The following DBNDD1 variants were observed in gnomAD, a reference collection of about 807,000 sequenced individuals.
DBNDD1 encodes the protein dysbindin domain-containing protein 1.
A neutral mutation model predicts 17.0 loss-of-function variants in DBNDD1; 14 were observed. The ratio of observed to expected loss-of-function variants is 0.82; its 90% CI spans 0.54 to 1.29. The LOEUF (loss-of-function observed/expected upper bound fraction) is 1.29. DBNDD1 is among the 50% of genes most tolerant of loss of function. The pLI, the probability that DBNDD1 is intolerant of heterozygous loss-of-function variation, is 0.00. For synonymous variants in DBNDD1, 105 were observed against 102.0 expected (o/e 1.03, Z -0.18); for missense variants, 221 against 216.2 (o/e 1.02, Z -0.14).
intron 2 of DBNDD1, 167 bp downstream of exon 2, chr16:90,009,117 A>C: frequency 8.1e-7 from 1 of 1,227,628 alleles, no homozygotes; most frequent in Non-Finnish European, 1.1e-6. Flanking sequence ...CACTTGACAG[A>C]TGGTGCAGCT....
In DBNDD1 at chr16:90,019,070, G is replaced by A. The variant is rs1052391453; in HGVS notation, c.31+241C>T. On this transcript the variant is annotated intron_variant, in intron 1 of 3. Transcript: ENST00000002501. The surrounding 1 kb of genome is among the most constrained non-coding windows in gnomAD (Gnocchi z 6.1). The stretch of plus-strand genomic sequence containing the variant: ...CGGGCCACCCACCAAGGAGCGTGCC[G>A]GGCACGGCTTCCCGGGCCGGGAGCG... 5.3e-5 allele frequency among the ~76,000 whole-genome samples: 8 copies of A among 152,218 alleles called. No individual in the cohort carries two copies. The highest frequency in any genetic ancestry group is 1.2e-4 in the Non-Finnish European group (8 of 68,032).
intron 1 of DBNDD1, among the ~76,000 whole-genome samples, chr16:90,018,145 A>C (rs1218465191): frequency 6.6e-6 from 1 of 152,230 alleles, no homozygotes; most frequent in Non-Finnish European, 1.5e-5. Flanking sequence ...TCACAGCTGG[A>C]AACAGCTCGG....
At chr16:90,012,620 C>T (rs1567834884) in intron 1 of DBNDD1, among the ~76,000 whole-genome samples, 1 of 151,958 alleles carries the variant, frequency 6.6e-6, no homozygotes, top group East Asian at 1.9e-4. Flanking sequence ...CCACCATGCC[C>T]AGCTAATTCT....
Position 90,008,881 on chromosome 16 carries a change from G to C in DBNDD1, c.222C>G (p.Leu74=), listed in dbSNP as rs1225462745. 2 of 1,593,674 alleles carry C rather than the reference G, an allele frequency of 1.3e-6. No individual in the cohort carries two copies. Among genetic ancestry groups the C allele is most frequent in the Non-Finnish European group, 1.7e-6 (2 of 1,167,664 alleles). ...TGTCGGTGAGCTCAGTGAGGTCCAGGAGGTCGAAGTGGACCTCCAGAGAGG... is the reference window on the plus strand; with the variant it reads ...TGTCGGTGAGCTCAGTGAGGTCCAGCAGGTCGAAGTGGACCTCCAGAGAGG... ...SVSSLEVHFD[L]LDLTELTDMS... is the part of the protein sequence containing the mutation. Residue 74 remains leucine (L), a synonymous_variant, in exon 3 of 4, where the codon CTC becomes CTG. Transcript: ENST00000002501.
In DBNDD1 at chr16:90,008,642, G is replaced by T. The variant is rs113275534; in HGVS notation, c.319+142C>A. ...GCCCACCACCCACACCTCCCAGGAC[G>T]TCCCAAGGGGCCTCACCCCCCAAAC... On this transcript the variant is annotated intron_variant, in intron 3 of 3. Transcript: ENST00000002501. 8.4e-5 allele frequency: 40 copies of T among 475,438 alleles called. 3 individuals are homozygous for T. The highest frequency in any genetic ancestry group is 1.4e-4 in the African/African-American group (6 of 43,704). The allele number at this position is 475,438 out of a possible 1,614,324, so 29.5% of individuals were successfully genotyped here.
upstream of DBNDD1, chr16:90,019,713 C>A: frequency 1.6e-6 from 1 of 609,774 alleles, no homozygotes; most frequent in Non-Finnish European, 2.9e-6. The surrounding 1 kb of genome is among the most constrained non-coding windows in gnomAD (Gnocchi z 6.1). Flanking sequence ...GCGTCCGGGG[C>A]TCCTGCGCAC....
intron 3 of DBNDD1, among the ~76,000 whole-genome samples, chr16:90,007,949 ACTTCC>A (rs2035464138): frequency 6.9e-6 from 1 of 145,168 alleles, no homozygotes; most frequent in African/African-American, 2.6e-5. Flanking sequence ...ACCTCCCAGG[ACTTCC>A]CAAGGGGCCT....
At chr16:90,009,957 CAGGAGG>C (rs761283397) in intron 1 of DBNDD1, 6 of 1,613,518 alleles carry the variant, frequency 3.7e-6, no homozygotes, top group Middle Eastern at 1.6e-4. Context: ...AGTTACAAAC[CAGGAGG>C]AATAGGCAGG....
intron 1 of DBNDD1, among the ~76,000 whole-genome samples, chr16:90,016,158 G>A (rs1205209505): frequency 6.6e-6 from 1 of 152,134 alleles, no homozygotes; most frequent in Admixed American, 6.5e-5. Context: ...CTGGGACTGG[G>A]TAGAGCGAGA....
rs1458497855 is a variant in DBNDD1, at chr16:90,006,005, A to G, written c.*330T>C. ...ATTCCTCAGCACGTTCCTGGCAGTG[A>G]CTCCGTGACGCTGTCTTCCTGACTC... is the stretch of plus-strand genomic sequence containing the variant. On this transcript the variant is annotated 3_prime_UTR_variant, in exon 4 of 4. Coordinates refer to ENST00000002501, the MANE Select transcript of DBNDD1 (RefSeq NM_001042610.3). The G allele has an allele frequency of 4.0e-6, 1 of 250,358 alleles. No individual in the cohort carries two copies. The highest frequency in any genetic ancestry group is 4.4e-5 in the Admixed American group (1 of 22,804). The allele number at this position is 250,358 out of a possible 1,614,324, so 15.5% of individuals were successfully genotyped here. A position where few individuals can be genotyped will look rare whatever the true frequency, so the allele number is the denominator to read the frequency against.
intron 1 of DBNDD1, among the ~76,000 whole-genome samples, chr16:90,018,384 C>G (rs2035683566): frequency 6.6e-6 from 1 of 152,248 alleles, no homozygotes; most frequent in Admixed American, 6.5e-5. Flanking sequence ...GCCCTTCGGG[C>G]TCCAGAGGAT....
intron 2 of DBNDD1, 33 bp downstream of exon 2, chr16:90,009,251 C>T: frequency 1.2e-6 from 2 of 1,610,006 alleles, no homozygotes; most frequent in Non-Finnish European, 1.7e-6. Flanking sequence ...ACGGGGTCCC[C>T]ATAGCGTGCG....
intron 1 of DBNDD1, 185 bp from the exon 2 acceptor site, chr16:90,009,615 C>T (rs934046436): frequency 1.2e-6 from 1 of 848,610 alleles, no homozygotes; most frequent in Non-Finnish European, 1.8e-6. Context: ...TGAGGGGCTT[C>T]AAGGAGGCTG....
chr16:90,009,034 A>G (rs2035498199), intron 2 of DBNDD1, 110 bp from the exon 3 acceptor site: 2 of 1,377,420 alleles, frequency 1.5e-6, no homozygotes, highest in Middle Eastern at 2.6e-4. Context: ...CTGTGGGTGA[A>G]CCACAGCTTC....
In DBNDD1 at chr16:90,019,242, G is replaced by T. The variant is rs1486375226; in HGVS notation, c.31+69C>A. 32 of 814,280 alleles carry T rather than the reference G, an allele frequency of 3.9e-5. No individual in the cohort carries two copies. The highest frequency in any genetic ancestry group is 2.9e-5 in the Non-Finnish European group (18 of 610,958). The allele number at this position is 814,280 out of a possible 1,614,324, so 50.4% of individuals were successfully genotyped here. ...CGGGAGCGGCGAAGGGTGAGCCCTGGGGGGAGGGGCTGCGGCTCGCTGCGG... is the reference window on the plus strand; with the variant it reads ...CGGGAGCGGCGAAGGGTGAGCCCTGTGGGGAGGGGCTGCGGCTCGCTGCGG... On this transcript the variant is annotated intron_variant, in intron 1 of 3. Coordinates refer to ENST00000002501, the MANE Select transcript of DBNDD1 (RefSeq NM_001042610.3). This position sits in a 1 kb window ranked among gnomAD's most constrained non-coding sequence, Gnocchi z 6.1.
chr16:90,019,592 C>T (rs1051206209), upstream of DBNDD1: 12 of 284,970 alleles, frequency 4.2e-5, no homozygotes, highest in African/African-American at 2.5e-4. The surrounding 1 kb of genome is among the most constrained non-coding windows in gnomAD (Gnocchi z 6.1). Context: ...GCGCGCGCCC[C>T]CTGCTGGCCC....
intron 1 of DBNDD1, among the ~76,000 whole-genome samples, chr16:90,012,958 G>C (rs953532379): frequency 6.6e-6 from 1 of 151,562 alleles, no homozygotes; most frequent in Non-Finnish European, 1.5e-5. Context: ...GGCTGGTCTC[G>C]AACTCCTGGG....
chr16:90,009,146 G>T (rs1445404596), intron 2 of DBNDD1, 138 bp downstream of exon 2: 17 of 1,348,150 alleles, frequency 1.3e-5, no homozygotes, highest in Non-Finnish European at 3.0e-6. Flanking sequence ...GAGAACCAGA[G>T]CTGCAAGAGC....
Position 90,019,383 on chromosome 16 carries a change from T to G in DBNDD1, c.-42A>C. Reference sequence around the variant, plus strand: ...GGGAGGGGCACGGGCGACGGCGGCGTCGCCTGGCCCGGGCGCCCCAACAGC... The same window carrying G: ...GGGAGGGGCACGGGCGACGGCGGCGGCGCCTGGCCCGGGCGCCCCAACAGC... On this transcript the variant is annotated 5_prime_UTR_variant, in exon 1 of 4. Transcript: ENST00000002501. The surrounding 1 kb of genome is among the most constrained non-coding windows in gnomAD (Gnocchi z 6.1). 9.4e-5 allele frequency: 107 copies of G among 1,143,822 alleles called. No individual in the cohort carries two copies. Among genetic ancestry groups the G allele is most frequent in the Middle Eastern group, 3.6e-4 (1 of 2,762 alleles). The allele number at this position is 1,143,822 out of a possible 1,614,324, so 70.9% of individuals were successfully genotyped here.
Sources: gnomAD v4.1 joint callset for allele counts (sites outside exome capture counted in the v4.1 genomes callset) on GRCh38, gnomAD v4.1.1 for gene constraint, Gnocchi (gnomAD v3.1) non-coding constraint, MANE v1.5 for transcripts, NCBI Gene and HGNC (gene_info 2026-07-23, HGNC 2026-07-21) for gene names.